The following PP2D1 variants were observed in gnomAD, a reference collection of about 807,000 sequenced individuals.
The protein encoded by PP2D1 is protein phosphatase 2C-like domain-containing protein 1.
Under a neutral mutation model 30.2 loss-of-function variants are expected in PP2D1, and 25 were observed. The ratio of observed to expected loss-of-function variants is 0.83; its 90% confidence interval spans 0.60 to 1.16. The LOEUF is 1.16. PP2D1 is among the 50% of genes most tolerant of loss of function. The pLI, the probability that PP2D1 is intolerant of heterozygous loss-of-function variation, is 0.00. For synonymous variants in PP2D1, 260 were observed against 258.9 expected, an observed-to-expected ratio of 1.00 and a Z score of -0.04; for missense variants, 760 against 742.4, an observed-to-expected ratio of 1.02 and a Z score of -0.28.
chr3:19,980,936 A>G (rs1696913537), downstream of PP2D1, among the ~76,000 whole-genome samples: 1 of 152,194 alleles, frequency 6.6e-6, no homozygotes, highest in Admixed American at 6.5e-5. Context: ...TGTAGAACAA[A>G]TAAAGGATAA....
Position 20,001,292 on chromosome 3 carries a change from C to T in PP2D1, c.828G>A (p.Arg276=). ...FSAINKTEAV[R]CEYEDTHKAF... is the part of the protein sequence containing the mutation. ...CTTTGTGTGTGTCCTCATACTCACA[C>T]CTCACTGCTTCTGTTTTGTTTATGG... The change falls in exon 2 of 3, where the codon AGG becomes AGA. Residue 276 remains arginine (R), a synonymous_variant. Transcript: ENST00000389050. 1 of 1,535,956 alleles carries T rather than the reference C, an allele frequency of 6.5e-7. No individual in the cohort carries two copies. The highest frequency in any genetic ancestry group is 8.7e-7 in the Non-Finnish European group (1 of 1,146,744).
At chr3:19,989,463 A>G (rs954853577) in intron 2 of PP2D1, among the ~76,000 whole-genome samples, 10 of 152,196 alleles carry the variant, frequency 6.6e-5, no homozygotes, top group Admixed American at 5.9e-4. Flanking sequence ...CATTTTGGAA[A>G]CTACATACAT....
At chr3:19,988,559 TTTGCCTTGTGATATTTTA>T (rs1697073576) in intron 2 of PP2D1, among the ~76,000 whole-genome samples, 1 of 152,134 alleles carries the variant, frequency 6.6e-6, no homozygotes, top group African/African-American at 2.4e-5. Context: ...TCTGCCCCCA[TTTGCCTTGTGATATTTTA>T]TTGCCTTGTG....
Position 20,001,067 on chromosome 3 carries a change from T to G in PP2D1, c.1053A>C (p.Pro351=). The G allele has an allele frequency of 7.2e-7, 1 of 1,396,304 alleles. No homozygotes were observed. 86.5% of individuals were successfully genotyped at this position (1,396,304 alleles called of 1,614,324 possible). A position where few individuals can be genotyped will look rare whatever the true frequency, so the allele number is the denominator to read the frequency against. ...CATGTAATATTCCAGAAATTATTTT[T>G]GGCATCTCCTGGGAAGGGGAGCTCT... ...LAESSPSQEM[P]KIISGILHVA... is the part of the protein sequence containing the mutation. The change falls in exon 2 of 3, where the codon CCA becomes CCC. Residue 351 remains proline (P), a synonymous_variant. Transcript: ENST00000389050.
intron 2 of PP2D1, among the ~76,000 whole-genome samples, chr3:19,992,140 T>C (rs141252449): frequency 1.3e-5 from 2 of 152,352 alleles, no homozygotes; most frequent in Middle Eastern, 3.4e-3. Flanking sequence ...AAGAGTCTTA[T>C]TCATGTTGAA....
chr3:19,983,292 C>T (rs1055537015), downstream of PP2D1, among the ~76,000 whole-genome samples: 2 of 148,472 alleles, frequency 1.3e-5, no homozygotes, highest in Admixed American at 6.8e-5. Context: ...ACTGAGATCA[C>T]GCCATTGCAC....
In PP2D1 at chr3:20,001,748, A is replaced by C. The variant is rs1395982806; in HGVS notation, c.372T>G (p.Thr124=). 1.3e-6 allele frequency: 2 copies of C among 1,530,898 alleles called. No homozygotes were observed. Among genetic ancestry groups the C allele is most frequent in the Non-Finnish European group, 1.7e-6 (2 of 1,145,052 alleles). 94.8% of individuals were successfully genotyped at this position (1,530,898 alleles called of 1,614,324 possible). ...TATTAATGCTCTGTAGGGTTTTTTC[A>C]GTGAACATAAAAGATGACAATAGTT... The part of the protein sequence containing the change: ...ISKLLSSFMF[T]EKTLQSINNA... Residue 124 remains threonine (T), a synonymous_variant, in exon 2 of 3, where the codon ACT becomes ACG. Coordinates refer to ENST00000389050, the MANE Select transcript of PP2D1 (RefSeq NM_001252657.2).
At position 19,985,398 on chromosome 3, in the gene PP2D1, T is replaced by C. The variant is rs773500006; in HGVS notation, c.1875A>G (p.Glu625=). Residue 625 remains glutamate (E), a synonymous_variant, in exon 3 of 3, where the codon GAA becomes GAG. Coordinates refer to ENST00000389050, the MANE Select transcript of PP2D1 (RefSeq NM_001252657.2). The stretch of plus-strand genomic sequence containing the variant: ...TATTTTTTTATGTCAGAAGCTGATA[T>C]TCACTTCCATTGAGAAATATTACCA... ...TVMVIFLNGS[E]YQLLT 1,055 of 1,530,002 alleles carry C rather than the reference T, an allele frequency of 6.9e-4. No individual in the cohort carries two copies. The highest frequency in any genetic ancestry group is 9.6e-4 in the Admixed American group (48 of 50,228). The allele number at this position is 1,530,002 out of a possible 1,614,324, so 94.8% of individuals were successfully genotyped here.
Position 20,011,964 on chromosome 3 carries a change from A to C in PP2D1, c.23+86T>G, listed in dbSNP as rs909491125. 6.6e-6 allele frequency: 7 copies of C among 1,053,764 alleles called. No individual in the cohort carries two copies. The African/African-American group carries it at 1.1e-4, about 17-fold the overall frequency. The allele number at this position is 1,053,764 out of a possible 1,614,324, so 65.3% of individuals were successfully genotyped here. On this transcript the variant is annotated intron_variant, in intron 1 of 2. Transcript: ENST00000389050. ...CAGGAAGCCAAGGTTTCATCTGATA[A>C]TTAAGAAAGTGGAAGAAAAAAATAC...
At chr3:19,989,928 G>A (rs1251590575) in intron 2 of PP2D1, among the ~76,000 whole-genome samples, 2 of 152,132 alleles carry the variant, frequency 1.3e-5, no homozygotes, top group Non-Finnish European at 2.9e-5. Flanking sequence ...TACAATGGAA[G>A]GATGGTAAAC....
At chr3:20,008,616 G>A (rs1697351180) in intron 1 of PP2D1, among the ~76,000 whole-genome samples, 1 of 152,110 alleles carries the variant, frequency 6.6e-6, no homozygotes, top group South Asian at 2.1e-4. Context: ...GGCGGGCGCT[G>A]TAGCTCACAC....
chr3:20,007,904 A>AG (rs1378840423), intron 1 of PP2D1: 2 of 222,158 alleles, frequency 9.0e-6, no homozygotes, highest in Non-Finnish European at 2.0e-5. Context: ...CTGTGACTGC[A>AG]GGGGTCATGG....
At chr3:19,987,166 G>C (rs1697050317) in intron 2 of PP2D1, among the ~76,000 whole-genome samples, 1 of 152,080 alleles carries the variant, frequency 6.6e-6, no homozygotes, top group South Asian at 2.1e-4. Context: ...GTTTGTCCGT[G>C]GTTCAAATGA....
chr3:19,988,743 C>G (rs538933315), intron 2 of PP2D1, among the ~76,000 whole-genome samples: 7 of 152,232 alleles, frequency 4.6e-5, no homozygotes, highest in African/African-American at 1.7e-4. Flanking sequence ...AAATTTCTGT[C>G]TTTACTGTAC....
At chr3:19,990,212 A>T (rs1347837520) in intron 2 of PP2D1, among the ~76,000 whole-genome samples, 4 of 151,696 alleles carry the variant, frequency 2.6e-5, no homozygotes, top group African/African-American at 9.7e-5. Flanking sequence ...TGGCATGATC[A>T]CGGCTTACTG....
At chr3:19,995,059 C>G (rs914574108) in intron 2 of PP2D1, among the ~76,000 whole-genome samples, 1 of 152,154 alleles carries the variant, frequency 6.6e-6, no homozygotes, top group Non-Finnish European at 1.5e-5. Context: ...GGACCAAACT[C>G]AACACTGCCC....
At chr3:19,991,321 T>C (rs939360537) in intron 2 of PP2D1, among the ~76,000 whole-genome samples, 1 of 152,134 alleles carries the variant, frequency 6.6e-6, no homozygotes, top group Non-Finnish European at 1.5e-5. Context: ...ACTTACAGAG[T>C]GAACTCTGGA....
downstream of PP2D1, chr3:19,985,187 T>C: frequency 3.8e-6 from 2 of 522,388 alleles, no homozygotes; most frequent in Non-Finnish European, 6.6e-6. Context: ...TATCGGCTTT[T>C]CTCTTTTCCT....
downstream of PP2D1, among the ~76,000 whole-genome samples, chr3:19,983,378 TATAAA>T (rs2125134852): frequency 6.9e-6 from 1 of 145,942 alleles, no homozygotes; most frequent in African/African-American, 2.5e-5. Flanking sequence ...TAATAATGAG[TATAAA>T]ATAAAATAGA....
Sources: gnomAD v4.1 joint callset for allele counts (sites outside exome capture counted in the v4.1 genomes callset) on GRCh38, gnomAD v4.1.1 for gene constraint, MANE v1.5 for transcripts, NCBI Gene and HGNC (gene_info 2026-07-23, HGNC 2026-07-21) for gene names.